TASP1: variants seen among roughly 807,000 people sequenced by gnomAD.
TASP1 encodes the protein taspase 1, also known as threonine aspartase 1.
A neutral mutation model predicts 56.6 loss-of-function variants in TASP1; 16 were observed. That is an observed-to-expected ratio of 0.28 (90% CI 0.19 to 0.43). The LOEUF (loss-of-function observed/expected upper bound fraction) is 0.43. TASP1 is among the 20% of genes least tolerant of loss of function. The pLI is 1.00. For missense variants in TASP1, 393 were observed against 511.6 expected (o/e 0.77, Z 2.24); for synonymous variants, 179 against 184.2 (o/e 0.97, Z 0.23).
the TASP1 span, among the ~76,000 whole-genome samples, chr20:13,376,116 T>C: frequency 1.3e-5 from 2 of 152,214 alleles, no homozygotes; most frequent in African/African-American, 4.8e-5. Flanking sequence ...TTTGTTGTCT[T>C]TGCTTTTGGT....
At chr20:13,626,530 C>A (rs529661622) in intron 2 of TASP1, among the ~76,000 whole-genome samples, 31 of 152,300 alleles carry the variant, frequency 2.0e-4, no homozygotes, top group African/African-American at 6.0e-4. Flanking sequence ...CAGACTCTGA[C>A]ACAAACCTAA....
intron 4 of TASP1, among the ~76,000 whole-genome samples, chr20:13,598,783 C>T (rs2047841215): frequency 6.6e-6 from 1 of 152,162 alleles, no homozygotes; most frequent in African/African-American, 2.4e-5. Context: ...GCAATCTACT[C>T]ATCTGACAAA....
At chr20:13,379,338 T>G in the TASP1 span, among the ~76,000 whole-genome samples, 3 of 152,194 alleles carry the variant, frequency 2.0e-5, no homozygotes, top group African/African-American at 7.2e-5. Flanking sequence ...TTATGAAGCT[T>G]AGTTTGGCTG....
At chr20:13,393,588 G>A (rs910519139) in intron 13 of TASP1, 2 of 967,410 alleles carry the variant, frequency 2.1e-6, no homozygotes, top group Admixed American at 3.4e-5. Context: ...CAACCACCTT[G>A]TCAAGCTCAT....
chr20:13,491,908 A>G (rs1429477410), intron 10 of TASP1, among the ~76,000 whole-genome samples: 1 of 152,206 alleles, frequency 6.6e-6, no homozygotes, highest in Non-Finnish European at 1.5e-5. Context: ...GGACAATAAT[A>G]TAATTGCTCC....
In TASP1 at chr20:13,587,727, CA is replaced by C. The variant is rs143107769; in HGVS notation, c.283-358del. Among the ~76,000 whole-genome samples, 662 of 145,572 alleles carry C rather than the reference CA, an allele frequency of 4.5e-3. 1 individual carries two copies. The highest frequency in any genetic ancestry group is 0.019 in the East Asian group (96 of 4,984). On this transcript the variant is annotated intron_variant, in intron 4 of 13. Coordinates refer to ENST00000337743, the MANE Select transcript of TASP1 (RefSeq NM_017714.3). ...TACAGGGAAAAAAACATGATTGTAT[CA>C]AAAAAAAAACACAGAAAAAAGGCAT...
chr20:13,318,217 A>T, the TASP1 span, among the ~76,000 whole-genome samples: 1 of 152,164 alleles, frequency 6.6e-6, no homozygotes, highest in East Asian at 1.9e-4. Context: ...ACAGATGGCA[A>T]ATAAGCATAT....
chr20:13,592,531 A>G lies in TASP1; in HGVS notation c.283-5161T>C, dbSNP rs576820669. 8.5e-5 allele frequency among the ~76,000 whole-genome samples: 13 copies of G among 152,278 alleles called. No individual in the cohort carries two copies. The South Asian group carries it at 2.1e-3, about 24-fold the overall frequency. On this transcript the variant is annotated intron_variant, in intron 4 of 13. Coordinates refer to ENST00000337743, the MANE Select transcript of TASP1 (RefSeq NM_017714.3). Reference sequence around the variant, plus strand: ...GCTAAAAGTAAAAGCATATTAGGAGATATTACCAAAAATATATCAAAACAT... The same window carrying G: ...GCTAAAAGTAAAAGCATATTAGGAGGTATTACCAAAAATATATCAAAACAT...
chr20:13,315,104 G>A, the TASP1 span, among the ~76,000 whole-genome samples: 1 of 150,724 alleles, frequency 6.6e-6, no homozygotes, highest in Non-Finnish European at 1.5e-5. Flanking sequence ...ACCACGAAAG[G>A]CAGAAAAAGA....
chr20:13,561,558 G>A (rs1601251449), intron 7 of TASP1, among the ~76,000 whole-genome samples: 1 of 151,998 alleles, frequency 6.6e-6, no homozygotes, highest in Admixed American at 6.6e-5. Flanking sequence ...GTAAAGACAG[G>A]GTTTCACCAT....
the TASP1 span, among the ~76,000 whole-genome samples, chr20:13,236,591 T>A: frequency 1.3e-5 from 2 of 152,140 alleles, no homozygotes; most frequent in Non-Finnish European, 1.5e-5. Flanking sequence ...CAAAGTCTCA[T>A]CTGAGACAAG....
chr20:13,311,243 TGATAGATAGATA>T, the TASP1 span, among the ~76,000 whole-genome samples: 41 of 127,920 alleles, frequency 3.2e-4, no homozygotes, highest in Admixed American at 4.8e-4. Flanking sequence ...GATAGATAGA[TGATAGATAGATA>T]GATAGATAGA....
Position 13,628,910 on chromosome 20 carries a change from C to A in TASP1, c.145+1024G>T, listed in dbSNP as rs1475342412. ...CCACTGTGTCTGTCCTCATGGTCCT[C>A]TGAAGTAGAAAGATCACAGGCTGAC... On this transcript the variant is annotated intron_variant, in intron 2 of 13. Coordinates refer to ENST00000337743, the MANE Select transcript of TASP1 (RefSeq NM_017714.3). Among the ~76,000 whole-genome samples the A allele has an allele frequency of 2.0e-5, 3 of 152,156 alleles. No individual in the cohort carries two copies. The East Asian group carries it at 5.8e-4, about 29-fold the overall frequency.
At chr20:13,504,639 A>T (rs1346548755) in intron 10 of TASP1, among the ~76,000 whole-genome samples, 1 of 152,198 alleles carries the variant, frequency 6.6e-6, no homozygotes, top group Non-Finnish European at 1.5e-5. Flanking sequence ...AAAAATATTT[A>T]AAAATACCTG....
chr20:13,455,834 A>T (rs552907817), intron 11 of TASP1, among the ~76,000 whole-genome samples: 1 of 152,290 alleles, frequency 6.6e-6, no homozygotes, highest in Non-Finnish European at 1.5e-5. Flanking sequence ...TAAACCGCTG[A>T]TTTACATGGG....
chr20:13,279,349 C>CCAA, the TASP1 span, among the ~76,000 whole-genome samples: 1 of 152,200 alleles, frequency 6.6e-6, no homozygotes, highest in Non-Finnish European at 1.5e-5. Flanking sequence ...CCACAGCAAT[C>CCAA]CAACAGTCAT....
At chr20:13,372,447 G>C in the TASP1 span, among the ~76,000 whole-genome samples, 1,275 of 151,770 alleles carry the variant, frequency 8.4e-3, 16 homozygotes, top group African/African-American at 0.029. Context: ...ATTTTTATTT[G>C]CTAGGTTTTA....
the TASP1 span, among the ~76,000 whole-genome samples, chr20:13,105,859 T>G: frequency 2.0e-5 from 3 of 152,162 alleles, no homozygotes; most frequent in African/African-American, 7.2e-5. Context: ...TAAAATATTA[T>G]AGACATAATA....
chr20:13,179,105 G>A, the TASP1 span, among the ~76,000 whole-genome samples: 1 of 152,172 alleles, frequency 6.6e-6, no homozygotes, highest in Non-Finnish European at 1.5e-5. Flanking sequence ...AGGAGTTTAA[G>A]AATGAATTGA....
Sources: allele counts gnomAD v4.1 joint callset (sites outside exome capture counted in the v4.1 genomes callset), GRCh38; gene constraint gnomAD v4.1.1; transcripts MANE v1.5; gene names NCBI Gene and HGNC (gene_info 2026-07-23, HGNC 2026-07-21).